Variants in PLGLB2 observed in about 807,000 individuals in gnomAD.
PLGLB2 encodes plasminogen-like protein B.
At position 87,756,387 on chromosome 2, in the gene PLGLB2, C is replaced by T. The variant is rs1323507696; in HGVS notation, c.*2-433C>T. 9.8e-4 allele frequency: 144 copies of T among 147,494 alleles called. 2 individuals carry two copies. Among genetic ancestry groups the T allele is most frequent in the Non-Finnish European group, 1.2e-4 (8 of 66,818 alleles). The allele number at this position is 147,494 out of a possible 1,614,324, so 9.1% of individuals were successfully genotyped here. A position where few individuals can be genotyped will look rare whatever the true frequency, so the allele number is the denominator to read the frequency against. Reference sequence around the variant, plus strand: ...TCAGCCTCGGAAAAGCCTGCCATTCCCCCATCTAAAAACCCTTTCCCCATT... The same window carrying T: ...TCAGCCTCGGAAAAGCCTGCCATTCTCCCATCTAAAAACCCTTTCCCCATT... On this transcript the variant is annotated intron_variant, in intron 3 of 3. Coordinates refer to ENST00000359481, the MANE Select transcript of PLGLB2 (RefSeq NM_002665.4).
At position 87,752,780 on chromosome 2, in the gene PLGLB2, T is replaced by TAA. The variant is rs770503011; in HGVS notation, c.185+410_185+411dup. 3.5e-3 allele frequency among the ~76,000 whole-genome samples: 158 copies of TAA among 45,512 alleles called. 1 individual carries two copies. Among genetic ancestry groups the TAA allele is most frequent in the East Asian group, 8.8e-3 (2 of 226 alleles). The allele number at this position is 45,512 out of a possible 152,430, so 29.9% of individuals were successfully genotyped here. A position where few individuals can be genotyped will look rare whatever the true frequency, so the allele number is the denominator to read the frequency against. Reference sequence around the variant, plus strand: ...TATTTAAGGTGACTGGATATAATGTTAAAAAAAAAAAAAGACAGCCTAAGT... The same window carrying TAA: ...TATTTAAGGTGACTGGATATAATGTTAAAAAAAAAAAAAAAGACAGCCTAAGT... On this transcript the variant is annotated intron_variant, in intron 2 of 3. Transcript: ENST00000359481.
intron 1 of PLGLB2, among the ~76,000 whole-genome samples, chr2:87,750,982 C>A (rs375384813): frequency 9.4e-4 from 101 of 107,902 alleles, no homozygotes; most frequent in African/African-American, 3.2e-3. Context: ...TGGAGCTTGG[C>A]TATCTTCATT....
chr2:87,750,909 C>A (rs1337459746), intron 1 of PLGLB2, among the ~76,000 whole-genome samples: 1 of 126,388 alleles, frequency 7.9e-6, no homozygotes, highest in African/African-American at 2.8e-5. Context: ...AACCCACTCC[C>A]TCTGCCTGCA....
chr2:87,751,175 CA>C (rs1248425769), intron 1 of PLGLB2: 1 of 106,338 alleles, frequency 9.4e-6, no homozygotes, highest in Non-Finnish European at 2.1e-5. Flanking sequence ...CCCCCTTGGC[CA>C]CCCTCTGCCA....
At chr2:87,751,373 C>T (rs1684642431) in intron 1 of PLGLB2, 1 of 147,556 alleles carries the variant, frequency 6.8e-6, no homozygotes, top group South Asian at 2.2e-4. Flanking sequence ...GTCATCAGCC[C>T]AGTACAAAAA....
At position 87,757,958 on chromosome 2, in the gene PLGLB2, TG is replaced by T. The variant is rs1307184922; in HGVS notation, c.*1145del. Among the ~76,000 whole-genome samples the T allele has an allele frequency of 1.9e-5, 1 of 53,960 alleles. No individual in the cohort carries two copies. Among genetic ancestry groups the T allele is most frequent in the East Asian group, 6.2e-4 (1 of 1,612 alleles). The allele number at this position is 53,960 out of a possible 152,430, so 35.4% of individuals were successfully genotyped here. A position where few individuals can be genotyped will look rare whatever the true frequency, so the allele number is the denominator to read the frequency against. On this transcript the variant is annotated 3_prime_UTR_variant, in exon 4 of 4. Transcript: ENST00000359481. ...ATGAGGGAACTGAGGTCTTGGGGGGTGGGGGTTACCCAAATAGGTTCACAGA... is the reference window on the plus strand; with the variant it reads ...ATGAGGGAACTGAGGTCTTGGGGGGTGGGGTTACCCAAATAGGTTCACAGA...
chr2:87,750,100 A>G (rs1466035742), intron 1 of PLGLB2, among the ~76,000 whole-genome samples: 4 of 152,238 alleles, frequency 2.6e-5, no homozygotes, highest in African/African-American at 9.6e-5. Context: ...GGGGAAAATT[A>G]TTTCAAATTA....
At chr2:87,750,290 CA>C (rs1392750012) in intron 1 of PLGLB2, among the ~76,000 whole-genome samples, 3 of 151,240 alleles carry the variant, frequency 2.0e-5, no homozygotes, top group Admixed American at 2.0e-4. Context: ...TGCTATACTT[CA>C]AAAAAACTCT....
rs1470003944 is a variant in PLGLB2, at chr2:87,748,895, C to G, written c.49+693C>G. 1.6e-5 allele frequency among the ~76,000 whole-genome samples: 2 copies of G among 121,284 alleles called. 1 individual carries two copies. The highest frequency in any genetic ancestry group is 3.4e-5 in the Non-Finnish European group (2 of 58,584). The allele number at this position is 121,284 out of a possible 152,430, so 79.6% of individuals were successfully genotyped here. A position where few individuals can be genotyped will look rare whatever the true frequency, so the allele number is the denominator to read the frequency against. On this transcript the variant is annotated intron_variant, in intron 1 of 3. Coordinates refer to ENST00000359481, the MANE Select transcript of PLGLB2 (RefSeq NM_002665.4). ...TTTACAAATACTAGCTTATTTAGCTCGCGGTATAGGTAGGGTAGCATATTC... is the reference window on the plus strand; with the variant it reads ...TTTACAAATACTAGCTTATTTAGCTGGCGGTATAGGTAGGGTAGCATATTC...
intron 1 of PLGLB2, among the ~76,000 whole-genome samples, chr2:87,750,726 T>C (rs1371163693): frequency 6.6e-6 from 1 of 150,958 alleles, no homozygotes; most frequent in African/African-American, 2.4e-5. Context: ...AGAATGAGAA[T>C]CTGTTCATTT....
At chr2:87,754,778 TTC>T (rs1159804924) in intron 3 of PLGLB2, among the ~76,000 whole-genome samples, 1 of 151,156 alleles carries the variant, frequency 6.6e-6, no homozygotes, top group Non-Finnish European at 1.5e-5. Context: ...ATTCTCCTGA[TTC>T]TCTCTACAAA....
At position 87,758,364 on chromosome 2, in the gene PLGLB2, CA is replaced by C. The variant is rs1203841978; in HGVS notation, c.*1550del. Reference sequence around the variant, plus strand: ...ATTCCTGGCACATAGTTCACATGGACAAAATGGTGTTAACTACGAAAATTTT... The same window carrying C: ...ATTCCTGGCACATAGTTCACATGGACAAATGGTGTTAACTACGAAAATTTT... On this transcript the variant is annotated 3_prime_UTR_variant, in exon 4 of 4. Coordinates refer to ENST00000359481, the MANE Select transcript of PLGLB2 (RefSeq NM_002665.4). 9.2e-6 allele frequency among the ~76,000 whole-genome samples: 1 copy of C among 108,200 alleles called. No individual in the cohort carries two copies. The highest frequency in any genetic ancestry group is 1.9e-5 in the Non-Finnish European group (1 of 52,284). 71.0% of individuals were successfully genotyped at this position (108,200 alleles called of 152,430 possible).
At chr2:87,750,091 G>A (rs1216233283) in intron 1 of PLGLB2, among the ~76,000 whole-genome samples, 2 of 152,114 alleles carry the variant, frequency 1.3e-5, no homozygotes, top group Non-Finnish European at 2.9e-5. Flanking sequence ...AAAAAAATGG[G>A]GGAAAATTAT....
intron 1 of PLGLB2, among the ~76,000 whole-genome samples, chr2:87,750,778 C>A (rs139215778): frequency 4.0e-5 from 6 of 150,300 alleles, no homozygotes; most frequent in African/African-American, 1.5e-4. Context: ...CAAACCAGTG[C>A]GCTCTGCAGT....
chr2:87,748,916 T>C (rs1684600267), intron 1 of PLGLB2, among the ~76,000 whole-genome samples: 1 of 126,518 alleles, frequency 7.9e-6, no homozygotes, highest in African/African-American at 3.3e-5. Flanking sequence ...TAGGGTAGCA[T>C]ATTCACCCTC....
Position 87,750,851 on chromosome 2 carries a change from C to T in PLGLB2, c.50-1396C>T, listed in dbSNP as rs1334404390. Among the ~76,000 whole-genome samples, 2 of 137,550 alleles carry T rather than the reference C, an allele frequency of 1.5e-5. 1 individual carries two copies. Among genetic ancestry groups the T allele is most frequent in the Middle Eastern group, 7.4e-3 (2 of 270 alleles). 90.2% of individuals were successfully genotyped at this position (137,550 alleles called of 152,430 possible). On this transcript the variant is annotated intron_variant, in intron 1 of 3. Coordinates refer to ENST00000359481, the MANE Select transcript of PLGLB2 (RefSeq NM_002665.4). The stretch of plus-strand genomic sequence containing the variant: ...CTGGAGGGCTCGCTGTCTTCAGAGC[C>T]AGGCTTGTCTCCCGCTGCCGCCTCC...
chr2:87,754,744 TA>T (rs3838218), intron 3 of PLGLB2, among the ~76,000 whole-genome samples: 11 of 147,030 alleles, frequency 7.5e-5, no homozygotes, highest in Middle Eastern at 3.5e-3. Context: ...GTACCAGATT[TA>T]AAAAAAAAAA....
chr2:87,748,958 A>T (rs1176463411), intron 1 of PLGLB2, among the ~76,000 whole-genome samples: 3 of 130,728 alleles, frequency 2.3e-5, no homozygotes, highest in African/African-American at 9.4e-5. Context: ...AGACAGGAAA[A>T]TCATGTTATT....
At chr2:87,750,909 C>T (rs1337459746) in intron 1 of PLGLB2, among the ~76,000 whole-genome samples, 1 of 126,388 alleles carries the variant, frequency 7.9e-6, no homozygotes, top group African/African-American at 2.8e-5. Context: ...AACCCACTCC[C>T]TCTGCCTGCA....
Sources: allele counts gnomAD v4.1 joint callset (sites outside exome capture counted in the v4.1 genomes callset), GRCh38; gene constraint gnomAD v4.1.1; transcripts MANE v1.5; gene names NCBI Gene and HGNC (gene_info 2026-07-23, HGNC 2026-07-21).